Variants in TECPR2 observed in about 807,000 individuals in gnomAD.
TECPR2 encodes the protein tectonin beta-propeller repeat-containing protein 2.
Under a neutral mutation model 138.1 loss-of-function variants are expected in TECPR2, and 65 were observed. The ratio of observed to expected loss-of-function variants is 0.47; its 90% CI spans 0.39 to 0.58. The LOEUF (loss-of-function observed/expected upper bound fraction) is 0.58, where lower values mean the gene tolerates loss of function less well. Ranked by LOEUF, TECPR2 falls within the 20% of genes least tolerant of loss-of-function variation. TECPR2 has a pLI of 0.00. For missense variants in TECPR2, 1,553 were observed against 1,824.5 expected, an observed-to-expected ratio of 0.85 and a Z score of 2.71; for synonymous variants, 746 against 749.8, an observed-to-expected ratio of 0.99 and a Z score of 0.08.
intron 17 of TECPR2, among the ~76,000 whole-genome samples, chr14:102,469,795 T>C (rs1253405912): frequency 6.6e-6 from 1 of 152,206 alleles, no homozygotes; most frequent in East Asian, 1.9e-4. Flanking sequence ...TCAGTGTTTG[T>C]TATGATGAAA....
chr14:102,451,234 G>A (rs547436115), intron 15 of TECPR2, among the ~76,000 whole-genome samples: 5 of 152,308 alleles, frequency 3.3e-5, no homozygotes, highest in African/African-American at 1.2e-4. Context: ...TCCCCCACCC[G>A]CTTAGCTGGG....
At chr14:102,379,143 A>G (rs117673958) in intron 2 of TECPR2, among the ~76,000 whole-genome samples, 4 of 152,212 alleles carry the variant, frequency 2.6e-5, no homozygotes, top group Admixed American at 6.5e-5. Context: ...AACAAGATCT[A>G]TCAAAGAAAT....
At chr14:102,427,866 G>A (rs989769498) in intron 6 of TECPR2, among the ~76,000 whole-genome samples, 1 of 152,186 alleles carries the variant, frequency 6.6e-6, no homozygotes, top group African/African-American at 2.4e-5. Context: ...GGTGGCGTCT[G>A]GAGAGAACTG....
chr14:102,419,789 C>CAG lies in TECPR2; in HGVS notation c.638+4999_638+5000dup, dbSNP rs1286450515. Among the ~76,000 whole-genome samples the CAG allele has an allele frequency of 6.6e-6, 1 of 152,188 alleles. No homozygotes were observed. Among genetic ancestry groups the CAG allele is most frequent in the Non-Finnish European group, 1.5e-5 (1 of 68,026 alleles). Reference sequence around the variant, plus strand: ...ATTTATGTTGCATTGTTTCATGTGTCAGAGCCCTCTGCAGACCTGTTACTG... The same window carrying CAG: ...ATTTATGTTGCATTGTTTCATGTGTCAGAGAGCCCTCTGCAGACCTGTTACTG... On this transcript the variant is annotated intron_variant, in intron 5 of 19. Coordinates refer to ENST00000359520, the MANE Select transcript of TECPR2 (RefSeq NM_014844.5). This position sits in a 1 kb window ranked among gnomAD's most constrained non-coding sequence, Gnocchi z 4.8.
chr14:102,412,173 C>T (rs1393399590), intron 4 of TECPR2, among the ~76,000 whole-genome samples: 1 of 145,858 alleles, frequency 6.9e-6, no homozygotes, highest in African/African-American at 2.6e-5. Flanking sequence ...CTCCTCTCAC[C>T]CAGGCTGGTG....
rs1218287800 is a variant in TECPR2 at position 102,420,032 on chromosome 14, T to C, written c.639-4947T>C. ...GCAGGGCTTCTGTGGATCCTTCTTC[T>C]CACTCAGCTTAGACTTTCAGGCTCC... is the stretch of plus-strand genomic sequence containing the variant. On this transcript the variant is annotated intron_variant, in intron 5 of 19. Transcript: ENST00000359520. This position sits in a 1 kb window ranked among gnomAD's most constrained non-coding sequence, Gnocchi z 4.1. 1.3e-5 allele frequency among the ~76,000 whole-genome samples: 2 copies of C among 152,190 alleles called. No individual in the cohort carries two copies. The highest frequency in any genetic ancestry group is 4.8e-5 in the African/African-American group (2 of 41,434).
chr14:102,490,777 C>T (rs914022418), intron 17 of TECPR2, among the ~76,000 whole-genome samples: 1 of 152,256 alleles, frequency 6.6e-6, no homozygotes, highest in African/African-American at 2.4e-5. Context: ...TGGCTTATTG[C>T]ACCAGCGTCC....
intron 2 of TECPR2, 50 bp downstream of exon 2, chr14:102,376,990 G>A (rs369062971): frequency 6.0e-5 from 94 of 1,554,324 alleles, no homozygotes; most frequent in Non-Finnish European, 7.6e-5. Context: ...CATAGCTGAC[G>A]CTTAACATGC....
At chr14:102,464,419 G>A (rs1338552971) in intron 16 of TECPR2, among the ~76,000 whole-genome samples, 1 of 151,724 alleles carries the variant, frequency 6.6e-6, no homozygotes, top group African/African-American at 2.4e-5. Context: ...TTGAGATGGG[G>A]CCTCGCTCTG....
chr14:102,450,768 G>T (rs190911575), intron 15 of TECPR2, 119 bp downstream of exon 15: 10 of 989,500 alleles, frequency 1.0e-5, no homozygotes, highest in African/African-American at 3.2e-5. Flanking sequence ...GACTGACCAC[G>T]TGAGGGTGTC....
At chr14:102,418,713 G>T (rs182635255) in intron 5 of TECPR2, among the ~76,000 whole-genome samples, 5 of 152,318 alleles carry the variant, frequency 3.3e-5, no homozygotes, top group African/African-American at 9.6e-5. Context: ...ATGCTGGAGG[G>T]GGCAGGTGTG....
chr14:102,433,955 T>C (rs1889583977), intron 8 of TECPR2, among the ~76,000 whole-genome samples: 1 of 152,184 alleles, frequency 6.6e-6, no homozygotes, highest in Non-Finnish European at 1.5e-5. Flanking sequence ...TTCTAAGCAT[T>C]TTAATAATTA....
chr14:102,497,136 C>G lies in TECPR2; in HGVS notation c.3931+16C>G. ...CATGTGCCAGGTAGGAGCCTGCAGA[C>G]AGGGCCTGTGGTGCCGGCCAGCCGG... On this transcript the variant is annotated intron_variant, in intron 18 of 19. Coordinates refer to ENST00000359520, the MANE Select transcript of TECPR2 (RefSeq NM_014844.5). 1 of 1,607,448 alleles carries G rather than the reference C, an allele frequency of 6.2e-7. No individual in the cohort carries two copies. The highest frequency in any genetic ancestry group is 8.5e-7 in the Non-Finnish European group (1 of 1,179,264).
chr14:102,455,014 G>A (rs1281825113), intron 16 of TECPR2, among the ~76,000 whole-genome samples: 2 of 152,228 alleles, frequency 1.3e-5, no homozygotes, highest in African/African-American at 4.8e-5. Flanking sequence ...GGCCAAAGTG[G>A]TGCAGGTCTC....
At position 102,452,374 on chromosome 14, in the gene TECPR2, A is replaced by G. The variant is rs762551556; in HGVS notation, c.3407-20A>G. On this transcript the variant is annotated intron_variant, in intron 15 of 19. Coordinates refer to ENST00000359520, the MANE Select transcript of TECPR2 (RefSeq NM_014844.5). The stretch of plus-strand genomic sequence containing the variant: ...TGGTGCAGACAACACCTCGATGACA[A>G]ACATGACCCCTTTCTGCAGGAAGCT... 75 of 1,596,544 alleles carry G rather than the reference A, an allele frequency of 4.7e-5. No homozygotes were observed. The highest frequency in any genetic ancestry group is 6.4e-5 in the Non-Finnish European group (75 of 1,165,956).
intron 11 of TECPR2, among the ~76,000 whole-genome samples, chr14:102,442,020 C>T (rs532797080): frequency 4.6e-5 from 7 of 152,242 alleles, no homozygotes; most frequent in Admixed American, 4.6e-4. Flanking sequence ...GCTCTGTTGC[C>T]CAGGCTGGAG....
intron 1 of TECPR2, 23 bp from the exon 2 acceptor site, chr14:102,376,627 G>C: frequency 8.9e-7 from 1 of 1,129,524 alleles, no homozygotes. Flanking sequence ...GCATTGAAAG[G>C]ATTGTAATGC....
At chr14:102,410,292 T>TGGCTTTACACAGACATGTAGTTGG (rs1888792563) in intron 4 of TECPR2, among the ~76,000 whole-genome samples, 13 of 151,406 alleles carry the variant, frequency 8.6e-5, no homozygotes, top group African/African-American at 3.2e-4. Context: ...GGATTCTCCC[T>TGGCTTTACACAGACATGTAGTTGG]AATCTCAAGT....
intron 19 of TECPR2, 58 bp from the exon 20 acceptor site, chr14:102,498,045 G>GTGCCCAAGCTCCCAGCTCCATCTA: frequency 2.5e-6 from 4 of 1,581,426 alleles, no homozygotes; most frequent in South Asian, 1.2e-5. Context: ...AGCTCCATCT[G>GTGCCCAAGCTCCCAGCTCCATCTA]TGCCCACCCC....
Sources: gnomAD v4.1 joint callset for allele counts (sites outside exome capture counted in the v4.1 genomes callset) on GRCh38, gnomAD v4.1.1 for gene constraint, Gnocchi (gnomAD v3.1) non-coding constraint, MANE v1.5 for transcripts, NCBI Gene and HGNC (gene_info 2026-07-23, HGNC 2026-07-21) for gene names.